Variants in YPEL1 observed in about 807,000 individuals in gnomAD.
YPEL1 encodes the protein yippee like 1.
YPEL1 carries 7 observed loss-of-function variants against 17.3 expected under a neutral mutation model. That is an observed-to-expected ratio of 0.40 (90% CI 0.23 to 0.76). YPEL1 has a LOEUF of 0.76. Among genes scored for constraint, YPEL1 ranks in the 30% least tolerant of loss-of-function variants. YPEL1 has a pLI of 0.35. For synonymous variants in YPEL1, 59 were observed against 59.6 expected (o/e 0.99, Z 0.05); for missense variants, 91 against 155.5 (o/e 0.59, Z 2.21).
At chr22:21,732,416 G>A (rs1455325831) in intron 1 of YPEL1, among the ~76,000 whole-genome samples, 2 of 152,152 alleles carry the variant, frequency 1.3e-5, no homozygotes, top group African/African-American at 4.8e-5. Context: ...TTGAAAGCAG[G>A]GGGGCTTCTA....
At chr22:21,704,182 G>C in intron 2 of YPEL1, 1 of 718,074 alleles carries the variant, frequency 1.4e-6, no homozygotes. Flanking sequence ...CATATGTCTG[G>C]ACAACTTTAC....
In YPEL1 at chr22:21,710,920, TCAGA is replaced by T. The variant is rs562805898; in HGVS notation, c.-164-16_-164-13del. 1.5e-5 allele frequency: 10 copies of T among 645,362 alleles called. No individual in the cohort carries two copies. The highest frequency in any genetic ancestry group is 3.5e-5 in the South Asian group (2 of 57,560). 40.0% of individuals were successfully genotyped at this position (645,362 alleles called of 1,614,324 possible). A position where few individuals can be genotyped will look rare whatever the true frequency, so the allele number is the denominator to read the frequency against. ...GAGAAAAACGTAACCTGCCAACCAA[TCAGA>T]CAAAGTGGTGGGTTACAGAGAGAAC... On this transcript the variant is annotated splice_polypyrimidine_tract_variant and intron_variant, in intron 1 of 4. Transcript: ENST00000339468.
chr22:21,719,356 C>T (rs190839195), intron 1 of YPEL1, among the ~76,000 whole-genome samples: 1 of 152,336 alleles, frequency 6.6e-6, no homozygotes, highest in Non-Finnish European at 1.5e-5. Context: ...ATATTTTCAA[C>T]TAAGTTTCTT....
chr22:21,726,065 T>C (rs933983318), intron 1 of YPEL1, among the ~76,000 whole-genome samples: 1 of 152,148 alleles, frequency 6.6e-6, no homozygotes, highest in East Asian at 1.9e-4. Context: ...GTTAAAAACA[T>C]GGACCCATGG....
rs1235198604 is a variant in YPEL1 at position 21,698,295 on chromosome 22, A to G, written c.*2834T>C. ...AAAAAAATACAAAAGTCATAAGACT[A>G]CTAGTAAAAAATGTTCAATCAATGC... On this transcript the variant is annotated 3_prime_UTR_variant, in exon 5 of 5. Transcript: ENST00000339468. 1 of 152,042 alleles carries G rather than the reference A, an allele frequency of 6.6e-6. No individual in the cohort carries two copies. The highest frequency in any genetic ancestry group is 2.4e-5 in the African/African-American group (1 of 41,384). 9.4% of individuals were successfully genotyped at this position (152,042 alleles called of 1,614,324 possible).
At chr22:21,718,264 C>A (rs536321532) in intron 1 of YPEL1, among the ~76,000 whole-genome samples, 1 of 151,718 alleles carries the variant, frequency 6.6e-6, no homozygotes, top group Non-Finnish European at 1.5e-5. Flanking sequence ...GAGATGGAGA[C>A]CATCCTGGCT....
intron 1 of YPEL1, among the ~76,000 whole-genome samples, chr22:21,719,029 GATCTT>G (rs2068254921): frequency 6.6e-6 from 1 of 152,108 alleles, no homozygotes; most frequent in Non-Finnish European, 1.5e-5. Context: ...CATTTTATTA[GATCTT>G]ATCTATTGCC....
intron 1 of YPEL1, among the ~76,000 whole-genome samples, chr22:21,717,690 A>G (rs778066652): frequency 5.9e-5 from 9 of 152,250 alleles, no homozygotes. Context: ...AAGTGTCCAG[A>G]GGAAGGAAAA....
At position 21,703,821 on chromosome 22, in the gene YPEL1, C is replaced by T; in HGVS notation, c.161+18G>A. On this transcript the variant is annotated intron_variant, in intron 3 of 4. Coordinates refer to ENST00000339468, the MANE Select transcript of YPEL1 (RefSeq NM_013313.5). The surrounding 1 kb of genome is among the most constrained non-coding windows in gnomAD (Gnocchi z 6.1). ...CAGGGCCCGTGCCGCTCCCCCCGGG[C>T]TGAACCAGGGTACTCACACGGAATT... The T allele has an allele frequency of 6.2e-7, 1 of 1,608,214 alleles. No homozygotes were observed. Among genetic ancestry groups the T allele is most frequent in the Non-Finnish European group, 8.5e-7 (1 of 1,177,338 alleles).
At chr22:21,705,942 C>T (rs1168499841) in intron 2 of YPEL1, among the ~76,000 whole-genome samples, 1 of 151,816 alleles carries the variant, frequency 6.6e-6, no homozygotes, top group Non-Finnish European at 1.5e-5. Context: ...CAAGCCTGGC[C>T]AACATGGAGA....
At chr22:21,732,531 C>T (rs1319756555) in intron 1 of YPEL1, among the ~76,000 whole-genome samples, 2 of 152,170 alleles carry the variant, frequency 1.3e-5, no homozygotes, top group African/African-American at 4.8e-5. Flanking sequence ...CCTGTAATCC[C>T]AGCACTTTGG....
chr22:21,705,398 G>A (rs1485471903), intron 2 of YPEL1, among the ~76,000 whole-genome samples: 3 of 152,186 alleles, frequency 2.0e-5, no homozygotes, highest in East Asian at 1.9e-4. Flanking sequence ...GATGTACGCT[G>A]TCAGATTTTC....
intron 2 of YPEL1, among the ~76,000 whole-genome samples, chr22:21,704,642 A>G: frequency 7.0e-6 from 1 of 143,864 alleles, no homozygotes; most frequent in African/African-American, 2.6e-5. Flanking sequence ...GGGCAACAAG[A>G]GTGAAACCCC....
chr22:21,734,378 G>C (rs1022544059), intron 1 of YPEL1, among the ~76,000 whole-genome samples: 2 of 152,134 alleles, frequency 1.3e-5, no homozygotes, highest in African/African-American at 4.8e-5. Flanking sequence ...GGGAGCACTG[G>C]GTGTAGGATA....
At chr22:21,724,140 C>T (rs1464286561) in intron 1 of YPEL1, among the ~76,000 whole-genome samples, 1 of 152,222 alleles carries the variant, frequency 6.6e-6, no homozygotes, top group Non-Finnish European at 1.5e-5. Flanking sequence ...AGCACAGCAG[C>T]AGTTCCTCTT....
chr22:21,706,307 T>C (rs1194237583), intron 2 of YPEL1, among the ~76,000 whole-genome samples: 1 of 150,786 alleles, frequency 6.6e-6, no homozygotes, highest in Non-Finnish European at 1.5e-5. Flanking sequence ...TGCGTGCCTA[T>C]AATCCCAGCT....
chr22:21,722,360 A>G (rs2068291627), intron 1 of YPEL1, among the ~76,000 whole-genome samples: 2 of 152,208 alleles, frequency 1.3e-5, no homozygotes, highest in East Asian at 1.9e-4. Flanking sequence ...AGGTTGCAGT[A>G]AGCCGAGATC....
At chr22:21,731,118 C>G (rs937202314) in intron 1 of YPEL1, among the ~76,000 whole-genome samples, 2 of 152,094 alleles carry the variant, frequency 1.3e-5, no homozygotes, top group African/African-American at 4.8e-5. Flanking sequence ...TGACTCATGC[C>G]TGTAATCCCA....
rs2068007318 is a variant in YPEL1, at chr22:21,698,069, T to A, written c.*3060A>T. The A allele has an allele frequency of 1.3e-5, 2 of 152,282 alleles. No individual in the cohort carries two copies. The highest frequency in any genetic ancestry group is 4.1e-4 in the South Asian group (2 of 4,832). 9.4% of individuals were successfully genotyped at this position (152,282 alleles called of 1,614,324 possible). On this transcript the variant is annotated 3_prime_UTR_variant, in exon 5 of 5. Transcript: ENST00000339468. ...ACCTCCCAAGGCTCTCAAGGAAGAT[T>A]TATTTTAAATAACTTAAATAGAAGT...
Sources: allele counts gnomAD v4.1 joint callset (sites outside exome capture counted in the v4.1 genomes callset), GRCh38; gene constraint gnomAD v4.1.1; non-coding constraint Gnocchi (gnomAD v3.1); transcripts MANE v1.5; gene names NCBI Gene and HGNC (gene_info 2026-07-23, HGNC 2026-07-21).